Variants in ADAMTS10 observed in about 807,000 individuals in gnomAD.
ADAMTS10 encodes ADAM metallopeptidase with thrombospondin type 1 motif 10.
Under a neutral mutation model 135.9 loss-of-function variants are expected in ADAMTS10, and 48 were observed. The observed-to-expected ratio is 0.35, with a 90% confidence interval of 0.28 to 0.45. The LOEUF is 0.45. Among genes scored for constraint, ADAMTS10 ranks in the 20% least tolerant of loss-of-function variants. ADAMTS10 has a pLI of 1.00. For synonymous variants in ADAMTS10, 621 were observed against 647.5 expected (o/e 0.96, Z 0.62); for missense variants, 1,131 against 1,565.2 (o/e 0.72, Z 4.68).
At chr19:8,603,995 C>A in intron 4 of ADAMTS10, 111 bp from the exon 5 acceptor site, 1 of 1,155,656 alleles carries the variant, frequency 8.7e-7, no homozygotes, top group Non-Finnish European at 1.2e-6. Flanking sequence ...GTTTATTTTG[C>A]TATTTCTTTT....
intron 18 of ADAMTS10, among the ~76,000 whole-genome samples, chr19:8,587,332 C>CTTT (rs1568394348): frequency 1.1e-5 from 1 of 92,496 alleles, no homozygotes; most frequent in African/African-American, 3.7e-5. Flanking sequence ...AACTAAAAAA[C>CTTT]CTTTTTTTTT....
At chr19:8,606,570 T>G (rs2042724477) in intron 2 of ADAMTS10, among the ~76,000 whole-genome samples, 1 of 152,010 alleles carries the variant, frequency 6.6e-6, no homozygotes, top group Non-Finnish European at 1.5e-5. Flanking sequence ...CCCAGCTACA[T>G]TTTTGTATTT....
In ADAMTS10 at chr19:8,591,877, T is replaced by C; in HGVS notation, c.1734-14A>G. 6.2e-7 allele frequency: 1 copy of C among 1,612,838 alleles called. No individual in the cohort carries two copies. The highest frequency in any genetic ancestry group is 8.5e-7 in the Non-Finnish European group (1 of 1,179,902). ...CCGATGGTTGGCCTGGAAAGGGTGG[T>C]GGGATAGGAGAGGGATGAGGCAGTG... is the stretch of plus-strand genomic sequence containing the variant. On this transcript the variant is annotated splice_polypyrimidine_tract_variant and intron_variant, in intron 14 of 25. Coordinates refer to ENST00000597188, the MANE Select transcript of ADAMTS10 (RefSeq NM_030957.4).
At chr19:8,590,720 A>G (rs2042512986) in intron 15 of ADAMTS10, among the ~76,000 whole-genome samples, 1 of 152,146 alleles carries the variant, frequency 6.6e-6, no homozygotes, top group Non-Finnish European at 1.5e-5. Flanking sequence ...TCGGCCTCCC[A>G]AAGTGCTGGG....
rs782819511 is a variant in ADAMTS10, at chr19:8,586,606, G to C, written c.2355C>G (p.Val785=). 6.2e-7 allele frequency: 1 copy of C among 1,614,076 alleles called. No homozygotes were observed. Among genetic ancestry groups the C allele is most frequent in the Non-Finnish European group, 8.5e-7 (1 of 1,180,024 alleles). Residue 785 remains valine (V), a synonymous_variant, in exon 20 of 26, where the codon GTC becomes GTG. Coordinates refer to ENST00000597188, the MANE Select transcript of ADAMTS10 (RefSeq NM_030957.4). ...TCGGTCCCAGGGCTTCGAGGCTCTG[G>C]ACCTGGTCTGGCCCCTGTCGCAGTT... ...TFQLRQGPDQ[V]QSLEALGPIN... is the part of the protein sequence containing the mutation.
intron 12 of ADAMTS10, 84 bp downstream of exon 12, chr19:8,595,678 G>C: frequency 8.6e-6 from 12 of 1,397,988 alleles, no homozygotes; most frequent in Non-Finnish European, 1.2e-5. Context: ...TCACTTCCCA[G>C]GTGGGTGCCC....
At position 8,585,639 on chromosome 19, in the gene ADAMTS10, C is replaced by T. The variant is rs1166325148; in HGVS notation, c.2682G>A (p.Ser894=). 1.9e-6 allele frequency: 3 copies of T among 1,612,154 alleles called. No homozygotes were observed. Among genetic ancestry groups the T allele is most frequent in the African/African-American group, 1.3e-5 (1 of 75,002 alleles). The change falls in exon 23 of 26, where the codon TCG becomes TCA. Residue 894 remains serine, a synonymous_variant. Coordinates refer to ENST00000597188, the MANE Select transcript of ADAMTS10 (RefSeq NM_030957.4). ...CPPDWVVGNW[S]LCSRSCDAGV... ...CTGCATCGCAGCTGCGGCTGCAGAG[C>T]GACCAGTTCCCTACAACCCAGCTGT... is the stretch of plus-strand genomic sequence containing the variant.
At chr19:8,593,157 T>C (rs2042563788) in intron 12 of ADAMTS10, 3 of 513,394 alleles carry the variant, frequency 5.8e-6, no homozygotes, top group South Asian at 2.1e-5. Flanking sequence ...TTCAGACAGG[T>C]AAGGTCACAC....
Position 8,590,679 on chromosome 19 carries a change from C to T in ADAMTS10, c.1798-688G>A, listed in dbSNP as rs552425637. Among the ~76,000 whole-genome samples the T allele has an allele frequency of 5.9e-5, 9 of 152,240 alleles. No homozygotes were observed. In the East Asian group the frequency reaches 7.7e-4, roughly 13 times the overall value. ...TTCACCATGTTAGCCAGGCTGGTCTCGAACTCCTGACCTCAGGTGATTGAC... is the reference window on the plus strand; with the variant it reads ...TTCACCATGTTAGCCAGGCTGGTCTTGAACTCCTGACCTCAGGTGATTGAC... On this transcript the variant is annotated intron_variant, in intron 15 of 25. Transcript: ENST00000597188.
At chr19:8,581,048 T>C in intron 25 of ADAMTS10, 46 bp from the exon 26 acceptor site, 1 of 1,389,134 alleles carries the variant, frequency 7.2e-7, no homozygotes. Flanking sequence ...TCAGCTGCCC[T>C]CCCCGCAGGG....
At position 8,605,194 on chromosome 19, in the gene ADAMTS10, T is replaced by C. The variant is rs1555742288; in HGVS notation, c.253A>G (p.Thr85Ala). Residue 85 changes from threonine to alanine, a missense_variant, in exon 4 of 26, where the codon ACC becomes GCC. This residue lies in a region of ADAMTS10 where 306 missense variants were observed against 344.4 expected (regional missense o/e 0.89). Coordinates refer to ENST00000597188, the MANE Select transcript of ADAMTS10 (RefSeq NM_030957.4). This position sits in a 1 kb window ranked among gnomAD's most constrained non-coding sequence, Gnocchi z 7.7. ...CGGGTCAGGTTCAGCAGGAAGTGGG[T>C]GCTGGGCGAGGCCACTTTGTAGAAG... ...RLFYKVASPSTHFLLNLTRSS... is the reference protein window; with the variant it reads ...RLFYKVASPSAHFLLNLTRSS... 1 of 1,613,990 alleles carries C rather than the reference T, an allele frequency of 6.2e-7. No individual in the cohort carries two copies. The highest frequency in any genetic ancestry group is 1.7e-5 in the Admixed American group (1 of 60,016).
chr19:8,607,413 C>T (rs926077525), intron 2 of ADAMTS10, among the ~76,000 whole-genome samples: 3 of 152,238 alleles, frequency 2.0e-5, no homozygotes, highest in Non-Finnish European at 2.9e-5. Context: ...CAAGCCAGCC[C>T]GCCCCGCAGG....
At chr19:8,587,264 C>T (rs1280478894) in intron 18 of ADAMTS10, among the ~76,000 whole-genome samples, 2 of 151,280 alleles carry the variant, frequency 1.3e-5, no homozygotes, top group African/African-American at 4.9e-5. Flanking sequence ...TTAGGTGATC[C>T]TCCCACCTCA....
intron 6 of ADAMTS10, among the ~76,000 whole-genome samples, chr19:8,598,596 A>G (rs1555740769): frequency 2.4e-4 from 20 of 83,296 alleles, no homozygotes; most frequent in South Asian, 8.5e-4. Flanking sequence ...TTTTTTTTGG[A>G]GATGGAGTCT....
rs782715988 is a variant in ADAMTS10 at position 8,601,137 on chromosome 19, G to A, written c.601C>T (p.Pro201Ser). Residue 201 changes from proline to serine, a missense_variant, in exon 6 of 26, where the codon CCG (proline) becomes TCG (serine). Pro to Ser is a moderately conservative substitution (Grantham distance 74). Around this residue, in one of 3 missense-constraint regions of ADAMTS10, gnomAD observed 306 missense variants for 344.4 expected, o/e 0.89. Coordinates refer to ENST00000597188, the MANE Select transcript of ADAMTS10 (RefSeq NM_030957.4). This position sits in a 1 kb window ranked among gnomAD's most constrained non-coding sequence, Gnocchi z 4.6. The part of the protein sequence containing the change: ...DTACGVRDEK[P>S]WKGRPWWLRT... ...AGCCACCATGGCCGCCCTTTCCACG[G>A]TTTCTCATCTGGGGAACCCAGTAGA... The A allele has an allele frequency of 1.4e-5, 22 of 1,613,342 alleles. No homozygotes were observed. In the African/African-American group the frequency reaches 1.5e-4, roughly 11 times the overall value.
intron 6 of ADAMTS10, 98 bp from the exon 7 acceptor site, chr19:8,597,415 C>T: frequency 9.2e-7 from 1 of 1,089,850 alleles, no homozygotes; most frequent in Admixed American, 2.0e-5. Context: ...TCATCAGGCA[C>T]CTACTGTGTG....
At chr19:8,589,630 A>G in intron 16 of ADAMTS10, 45 bp from the exon 17 acceptor site, 11 of 1,611,208 alleles carry the variant, frequency 6.8e-6, no homozygotes, top group Non-Finnish European at 9.3e-6. Context: ...GCCACCCCGG[A>G]ACTCTTTGCT....
intron 6 of ADAMTS10, 69 bp from the exon 7 acceptor site, chr19:8,597,386 C>A: frequency 7.2e-7 from 1 of 1,386,274 alleles, no homozygotes; most frequent in South Asian, 1.2e-5. Context: ...AAAGCAAAAA[C>A]AATGATAACA....
rs1555741636 is a variant in ADAMTS10 at position 8,601,728 on chromosome 19, C to A, written c.593-583G>T. Among the ~76,000 whole-genome samples, 1 of 152,018 alleles carries A rather than the reference C, an allele frequency of 6.6e-6. No homozygotes were observed. The highest frequency in any genetic ancestry group is 1.5e-5 in the Non-Finnish European group (1 of 68,004). On this transcript the variant is annotated intron_variant, in intron 5 of 25. Coordinates refer to ENST00000597188, the MANE Select transcript of ADAMTS10 (RefSeq NM_030957.4). The surrounding 1 kb of genome is among the most constrained non-coding windows in gnomAD (Gnocchi z 4.6). ...TCTTTTTTTTGTCAGTGTCCTACTA[C>A]CTGAGAATATTGTAGTCTACCATGA...
Sources: gnomAD v4.1 joint callset for allele counts (sites outside exome capture counted in the v4.1 genomes callset) on GRCh38, gnomAD v4.1.1 for gene constraint, gnomAD v4.1.1 regional missense constraint, Gnocchi (gnomAD v3.1) non-coding constraint, MANE v1.5 for transcripts, NCBI Gene and HGNC (gene_info 2026-07-23, HGNC 2026-07-21) for gene names.